Variants in ADCY2 observed in about 807,000 individuals in gnomAD.
ADCY2 encodes the protein adenylate cyclase type 2.
ADCY2 carries 31 observed loss-of-function variants against 125.2 expected under a neutral mutation model. The ratio of observed to expected loss-of-function variants is 0.25; its 90% CI spans 0.19 to 0.33. The LOEUF is 0.33. ADCY2 is among the 10% of genes least tolerant of loss of function. The pLI is 1.00. For synonymous variants in ADCY2, 512 were observed against 548.4 expected, an observed-to-expected ratio of 0.93 and a Z score of 0.93; for missense variants, 904 against 1,418.2, an observed-to-expected ratio of 0.64 and a Z score of 5.82.
At chr5:7,699,376 C>T (rs918098932) in intron 7 of ADCY2, among the ~76,000 whole-genome samples, 3 of 152,038 alleles carry the variant, frequency 2.0e-5, no homozygotes, top group East Asian at 1.9e-4. Context: ...GGATTACAGG[C>T]GTGAGCCACC....
chr5:7,711,230 T>G (rs541562048), intron 10 of ADCY2, among the ~76,000 whole-genome samples: 2 of 152,170 alleles, frequency 1.3e-5, no homozygotes, highest in Non-Finnish European at 2.9e-5. Flanking sequence ...GTGGGAGGCC[T>G]GGGGCAGCTG....
rs1408504137 is a variant in ADCY2, at chr5:7,690,679, C to T, written c.721-12C>T. 1.3e-6 allele frequency: 2 copies of T among 1,551,980 alleles called. No homozygotes were observed. The highest frequency in any genetic ancestry group is 1.4e-5 in the African/African-American group (1 of 72,408). ...TGAGAGACATTTGTTCCTCCTTCCCCACCTTGTCCAGGAGCGGCTTCTGCT... is the reference window on the plus strand; with the variant it reads ...TGAGAGACATTTGTTCCTCCTTCCCTACCTTGTCCAGGAGCGGCTTCTGCT... On this transcript the variant is annotated splice_polypyrimidine_tract_variant and intron_variant, in intron 4 of 24. Transcript: ENST00000338316.
intron 1 of ADCY2, among the ~76,000 whole-genome samples, chr5:7,403,611 AT>A (rs993284096): frequency 6.6e-6 from 1 of 152,196 alleles, no homozygotes; most frequent in Non-Finnish European, 1.5e-5. Context: ...TTCTTTCTAT[AT>A]GCTCAACTAA....
chr5:7,745,934 G>T (rs1351316319), intron 15 of ADCY2, among the ~76,000 whole-genome samples: 1 of 152,130 alleles, frequency 6.6e-6, no homozygotes, highest in Admixed American at 6.5e-5. Context: ...GAACAACTCT[G>T]CTGCGTCTGT....
chr5:7,482,767 G>GATATATATATATATAT (rs140354609), intron 2 of ADCY2, among the ~76,000 whole-genome samples: 561 of 118,980 alleles, frequency 4.7e-3, no homozygotes, highest in East Asian at 0.01. Flanking sequence ...AAGAAAATGT[G>GATATATATATATATAT]ATATATATAT....
chr5:7,484,489 G>A (rs1162293292), intron 2 of ADCY2, among the ~76,000 whole-genome samples: 2 of 152,130 alleles, frequency 1.3e-5, no homozygotes, highest in African/African-American at 4.8e-5. Context: ...TAGCCTTCCT[G>A]GAACTGCCCA....
At chr5:7,698,186 T>G in intron 6 of ADCY2, 61 bp from the exon 7 acceptor site, 2 of 1,603,498 alleles carry the variant, frequency 1.2e-6, no homozygotes, top group Non-Finnish European at 1.7e-6. Context: ...TGATATTACA[T>G]GAATCTAGAT....
Position 7,618,136 on chromosome 5 carries a change from A to G in ADCY2, c.571-8031A>G, listed in dbSNP as rs1262550894. On this transcript the variant is annotated intron_variant, in intron 3 of 24. Coordinates refer to ENST00000338316, the MANE Select transcript of ADCY2 (RefSeq NM_020546.3). Reference sequence around the variant, plus strand: ...TTTCCTTACGGATGTGCTTACTAATATCATGTTTAAATCCCCAGGTGAGAT... The same window carrying G: ...TTTCCTTACGGATGTGCTTACTAATGTCATGTTTAAATCCCCAGGTGAGAT... Among the ~76,000 whole-genome samples the G allele has an allele frequency of 2.6e-5, 4 of 152,126 alleles. No individual in the cohort carries two copies. In the East Asian group the frequency reaches 7.7e-4, roughly 29 times the overall value.
At chr5:7,718,928 G>A (rs1442759544) in intron 12 of ADCY2, among the ~76,000 whole-genome samples, 5 of 152,074 alleles carry the variant, frequency 3.3e-5, no homozygotes, top group South Asian at 2.1e-4. Flanking sequence ...TGTGTGACTC[G>A]CCAGAATAAG....
chr5:7,579,371 G>A (rs1736352340), intron 3 of ADCY2, among the ~76,000 whole-genome samples: 1 of 152,124 alleles, frequency 6.6e-6, no homozygotes, highest in African/African-American at 2.4e-5. Context: ...GGAAGAAAGA[G>A]TTCAACATCA....
intron 20 of ADCY2, chr5:7,801,733 C>T (rs921046395): frequency 1.9e-5 from 3 of 154,332 alleles, no homozygotes; most frequent in African/African-American, 7.2e-5. Context: ...GACTGAGGAG[C>T]TCTATTGGTT....
At chr5:7,402,576 T>G (rs1739304914) in intron 1 of ADCY2, among the ~76,000 whole-genome samples, 1 of 152,204 alleles carries the variant, frequency 6.6e-6, no homozygotes, top group Non-Finnish European at 1.5e-5. Flanking sequence ...TTTCTGACTC[T>G]GCCTAGAGTT....
At chr5:7,411,296 C>G (rs1739706980) in intron 1 of ADCY2, among the ~76,000 whole-genome samples, 1 of 152,136 alleles carries the variant, frequency 6.6e-6, no homozygotes, top group Non-Finnish European at 1.5e-5. Context: ...TCTGGCTCAC[C>G]CTCTGAGGTG....
chr5:7,748,559 C>CAT (rs1560941334), intron 15 of ADCY2, among the ~76,000 whole-genome samples: 2 of 149,350 alleles, frequency 1.3e-5, no homozygotes, highest in Non-Finnish European at 3.0e-5. Flanking sequence ...CACACACACA[C>CAT]ACACAAAATG....
chr5:7,635,065 G>T (rs566011593), intron 4 of ADCY2, among the ~76,000 whole-genome samples: 1 of 152,180 alleles, frequency 6.6e-6, no homozygotes, highest in South Asian at 2.1e-4. Context: ...CAGGTGGCCT[G>T]TTTGAGAAAC....
intron 4 of ADCY2, among the ~76,000 whole-genome samples, chr5:7,651,613 A>G (rs1001532190): frequency 2.0e-5 from 3 of 152,120 alleles, no homozygotes; most frequent in African/African-American, 7.2e-5. Context: ...GTGCCCACCC[A>G]GATGGAGGGT....
chr5:7,719,779 A>G (rs1434108111), intron 12 of ADCY2, among the ~76,000 whole-genome samples: 2 of 152,194 alleles, frequency 1.3e-5, no homozygotes, highest in African/African-American at 4.8e-5. Flanking sequence ...TAGAGGCTCC[A>G]TCTCCAAATA....
intron 4 of ADCY2, among the ~76,000 whole-genome samples, chr5:7,657,265 G>A (rs1739371510): frequency 6.6e-6 from 1 of 152,202 alleles, no homozygotes; most frequent in Non-Finnish European, 1.5e-5. Flanking sequence ...TAGTCCACTG[G>A]AGGGCTGAGG....
intron 3 of ADCY2, among the ~76,000 whole-genome samples, chr5:7,548,896 C>T (rs1220008348): frequency 3.3e-5 from 5 of 152,178 alleles, no homozygotes; most frequent in African/African-American, 1.2e-4. Flanking sequence ...GTTTCTCACT[C>T]TGGGAGGAGA....
Sources: gnomAD v4.1 joint callset for allele counts (sites outside exome capture counted in the v4.1 genomes callset) on GRCh38, gnomAD v4.1.1 for gene constraint, MANE v1.5 for transcripts, NCBI Gene and HGNC (gene_info 2026-07-23, HGNC 2026-07-21) for gene names.